Variants in GABRG3 observed in about 807,000 individuals in gnomAD.
GABRG3 encodes the protein gamma-aminobutyric acid type A receptor subunit gamma3.
GABRG3 carries 25 observed loss-of-function variants against 48.8 expected under a neutral mutation model. The observed-to-expected ratio is 0.51, with a 90% confidence interval of 0.37 to 0.72. GABRG3 has a LOEUF of 0.72. Ranked by LOEUF, GABRG3 falls within the 30% of genes least tolerant of loss-of-function variation. The pLI is 0.00. For missense variants in GABRG3, 394 were observed against 577.9 expected (o/e 0.68, Z 3.26); for synonymous variants, 227 against 217.6 (o/e 1.04, Z -0.38).
intron 3 of GABRG3, among the ~76,000 whole-genome samples, chr15:27,068,409 G>C (rs1317961237): frequency 3.9e-5 from 6 of 152,252 alleles, no homozygotes; most frequent in Non-Finnish European, 8.8e-5. Flanking sequence ...CCTGGAGCTG[G>C]AAAGGCCCTA....
intron 5 of GABRG3, among the ~76,000 whole-genome samples, chr15:27,417,176 T>C (rs74006932): frequency 0.056 from 8,445 of 151,804 alleles, 785 homozygotes; most frequent in African/African-American, 0.2. Context: ...CTAATTATCT[T>C]AAAGTTGAGA....
intron 3 of GABRG3, among the ~76,000 whole-genome samples, chr15:27,122,479 C>G (rs184299180): frequency 2.5e-4 from 38 of 152,342 alleles, no homozygotes; most frequent in Admixed American, 2.2e-3. Context: ...AACCCAGCAT[C>G]TGCACTGTTG....
chr15:27,415,579 C>A (rs550985961), intron 5 of GABRG3, among the ~76,000 whole-genome samples: 1 of 152,018 alleles, frequency 6.6e-6, no homozygotes, highest in East Asian at 1.9e-4. Context: ...GTGATGAATG[C>A]GCCACCATCT....
At chr15:26,993,507 A>G (rs979545069) in intron 2 of GABRG3, among the ~76,000 whole-genome samples, 1 of 152,062 alleles carries the variant, frequency 6.6e-6, no homozygotes, top group Non-Finnish European at 1.5e-5. Context: ...ATTTGTTCAT[A>G]TAGTTTTCAA....
chr15:27,492,686 AT>A lies in GABRG3; in HGVS notation c.712+11902del, dbSNP rs375092363. ...TTTGCTTTTATAAAGTAGAACATCT[AT>A]TTGTTCAAGACATATATTCATGTTG... On this transcript the variant is annotated intron_variant, in intron 6 of 9. Coordinates refer to ENST00000615808, the MANE Select transcript of GABRG3 (RefSeq NM_033223.5). Among the ~76,000 whole-genome samples, 560 of 152,360 alleles carry A rather than the reference AT, an allele frequency of 3.7e-3. 3 individuals carry two copies. The highest frequency in any genetic ancestry group is 0.013 in the African/African-American group (546 of 41,580).
rs547597573 is a variant in GABRG3 at position 27,306,278 on chromosome 15, CAT to C, written c.271-20529_271-20528del. Among the ~76,000 whole-genome samples, 234 of 137,188 alleles carry C rather than the reference CAT, an allele frequency of 1.7e-3. 2 individuals are homozygous for C. The highest frequency in any genetic ancestry group is 0.011 in the Middle Eastern group (1 of 88). The allele number at this position is 137,188 out of a possible 152,430, so 90.0% of individuals were successfully genotyped here. A position where few individuals can be genotyped will look rare whatever the true frequency, so the allele number is the denominator to read the frequency against. On this transcript the variant is annotated intron_variant, in intron 3 of 9. Coordinates refer to ENST00000615808, the MANE Select transcript of GABRG3 (RefSeq NM_033223.5). ...CATGTCTATATGTAAACATATATAA[CAT>C]AAACATGTCTATATATAAACATATA...
At chr15:27,217,952 CGGA>C (rs969285006) in intron 3 of GABRG3, among the ~76,000 whole-genome samples, 2 of 152,072 alleles carry the variant, frequency 1.3e-5, no homozygotes, top group Non-Finnish European at 2.9e-5. Flanking sequence ...AGTAGGGAGG[CGGA>C]GGAGAACCAG....
At chr15:27,238,395 C>T (rs901076616) in intron 3 of GABRG3, among the ~76,000 whole-genome samples, 2 of 152,212 alleles carry the variant, frequency 1.3e-5, no homozygotes, top group Non-Finnish European at 2.9e-5. Flanking sequence ...TGGAGGGAGC[C>T]GCGCGGGGGC....
intron 3 of GABRG3, chr15:27,157,847 A>G (rs190454190): frequency 2.6e-5 from 4 of 152,300 alleles, no homozygotes; most frequent in Non-Finnish European, 5.9e-5. Context: ...CAGCTCCCCA[A>G]ATGTCCTGTT....
chr15:27,046,319 G>T (rs1157092679), intron 3 of GABRG3, among the ~76,000 whole-genome samples: 1 of 151,742 alleles, frequency 6.6e-6, no homozygotes, highest in Non-Finnish European at 1.5e-5. Flanking sequence ...TGTCAGGCTG[G>T]TCTCGAACTC....
chr15:27,422,312 T>A lies in GABRG3; in HGVS notation c.575-58338T>A, dbSNP rs140888850. The stretch of plus-strand genomic sequence containing the variant: ...GAGGCATCCAGGGGAGTGAGCTGCG[T>A]ATCCACCAATACTGAGTGTTCTAAG... On this transcript the variant is annotated intron_variant, in intron 5 of 9. Transcript: ENST00000615808. 1,111 of 152,716 alleles carry A rather than the reference T, an allele frequency of 7.3e-3. 10 individuals carry two copies. Among genetic ancestry groups the A allele is most frequent in the African/African-American group, 0.026 (1,062 of 41,444 alleles). The allele number at this position is 152,716 out of a possible 1,614,324, so 9.5% of individuals were successfully genotyped here.
chr15:27,263,022 A>T (rs1174965606), intron 3 of GABRG3, among the ~76,000 whole-genome samples: 1 of 152,228 alleles, frequency 6.6e-6, no homozygotes, highest in African/African-American at 2.4e-5. Flanking sequence ...GTAGCCCAGG[A>T]TAAATATTAA....
intron 3 of GABRG3, among the ~76,000 whole-genome samples, chr15:27,164,077 A>G (rs886618516): frequency 2.0e-5 from 3 of 152,256 alleles, no homozygotes; most frequent in Non-Finnish European, 4.4e-5. Context: ...TCACACATAA[A>G]CATTCCAAAA....
intron 3 of GABRG3, among the ~76,000 whole-genome samples, chr15:27,032,691 A>G (rs1008620600): frequency 6.6e-6 from 1 of 152,246 alleles, no homozygotes; most frequent in African/African-American, 2.4e-5. Flanking sequence ...ATCCATGTCT[A>G]TGATGCAAAC....
intron 2 of GABRG3, among the ~76,000 whole-genome samples, chr15:26,995,541 C>CTTT (rs34201238): frequency 6.9e-6 from 1 of 145,364 alleles, no homozygotes; most frequent in Non-Finnish European, 1.5e-5. Flanking sequence ...CGTTTAATAT[C>CTTT]TTTTTTTTTT....
chr15:27,410,473 T>C (rs919116438), intron 5 of GABRG3, among the ~76,000 whole-genome samples: 98 of 152,346 alleles, frequency 6.4e-4, no homozygotes, highest in African/African-American at 2.3e-3. Context: ...TAATATTTGG[T>C]GAAACCTCCA....
At chr15:27,327,465 A>G (rs1206708815) in intron 4 of GABRG3, among the ~76,000 whole-genome samples, 2 of 152,156 alleles carry the variant, frequency 1.3e-5, no homozygotes, top group Non-Finnish European at 2.9e-5. Flanking sequence ...GAGTCAGGGA[A>G]GTCTTCGAAG....
chr15:27,435,830 G>T (rs1285760539), intron 5 of GABRG3, among the ~76,000 whole-genome samples: 4 of 152,126 alleles, frequency 2.6e-5, no homozygotes, highest in Non-Finnish European at 5.9e-5. Flanking sequence ...TCCATAAACA[G>T]TCCTGTGACC....
intron 3 of GABRG3, among the ~76,000 whole-genome samples, chr15:27,058,274 G>A (rs1316478896): frequency 1.3e-5 from 2 of 152,328 alleles, no homozygotes; most frequent in African/African-American, 4.8e-5. Flanking sequence ...TCTGAGAATG[G>A]AGATGATAGG....
Sources: gnomAD v4.1 joint callset for allele counts (sites outside exome capture counted in the v4.1 genomes callset) on GRCh38, gnomAD v4.1.1 for gene constraint, MANE v1.5 for transcripts, NCBI Gene and HGNC (gene_info 2026-07-23, HGNC 2026-07-21) for gene names.